SLC26A4: variants seen among roughly 807,000 people sequenced by gnomAD.
SLC26A4 encodes pendrin.
In SLC26A4, 93 loss-of-function variants were observed where a neutral mutation model predicts 90.4. The observed-to-expected ratio is 1.03, with a 90% CI of 0.87 to 1.22. The LOEUF (loss-of-function observed/expected upper bound fraction) is 1.22, where lower values mean the gene tolerates loss of function less well. Among genes scored for constraint, SLC26A4 ranks in the 50% most tolerant of loss-of-function variants. The pLI is 0.00. For missense variants in SLC26A4, 1,127 were observed against 946.2 expected, an observed-to-expected ratio of 1.19 and a Z score of -2.51; for synonymous variants, 393 against 354.6, an observed-to-expected ratio of 1.11 and a Z score of -1.22.
chr7:107,699,068 C>A (rs1249514408), intron 14 of SLC26A4, among the ~76,000 whole-genome samples: 5 of 152,154 alleles, frequency 3.3e-5, no homozygotes, highest in Non-Finnish European at 7.4e-5. Flanking sequence ...ACTGGGATTT[C>A]AGTAGCTGCT....
intron 6 of SLC26A4, among the ~76,000 whole-genome samples, chr7:107,677,359 A>G (rs1791053501): frequency 6.6e-6 from 1 of 152,112 alleles, no homozygotes; most frequent in Non-Finnish European, 1.5e-5. Flanking sequence ...AATAGTAGCT[A>G]CCTCTTAGAG....
chr7:107,703,411 G>T (rs1224731947), intron 17 of SLC26A4, among the ~76,000 whole-genome samples: 1 of 152,176 alleles, frequency 6.6e-6, no homozygotes, highest in Admixed American at 6.5e-5. Context: ...AGGTAGGTAG[G>T]GTAGAGAAGT....
intron 8 of SLC26A4, among the ~76,000 whole-genome samples, chr7:107,685,578 G>A (rs924181908): frequency 1.3e-5 from 2 of 152,140 alleles, no homozygotes; most frequent in Non-Finnish European, 1.5e-5. Flanking sequence ...CAATAACAAT[G>A]CCCCATTGGA....
At chr7:107,678,225 C>T (rs1280981374) in intron 6 of SLC26A4, among the ~76,000 whole-genome samples, 1 of 152,178 alleles carries the variant, frequency 6.6e-6, no homozygotes, top group Admixed American at 6.5e-5. Context: ...CTCATTCATT[C>T]AGTTTATCTA....
At chr7:107,715,066 T>TAAAAAAAAA (rs543905042) in intron 20 of SLC26A4, among the ~76,000 whole-genome samples, 4 of 98,674 alleles carry the variant, frequency 4.1e-5, no homozygotes, top group South Asian at 4.6e-4. Context: ...CCATCTCTAC[T>TAAAAAAAAA]AAAAAAAAAA....
rs1792117598 is a variant in SLC26A4 at position 107,709,322 on chromosome 7, G to A, written c.2090-732G>A. The stretch of plus-strand genomic sequence containing the variant: ...GGGTCTTGCTCTGTCACCCAGGCTG[G>A]AGTGCAGTGGTGCAACTGTGGCTCA... On this transcript the variant is annotated intron_variant, in intron 18 of 20. Coordinates refer to ENST00000644269, the MANE Select transcript of SLC26A4 (RefSeq NM_000441.2). 2.0e-5 allele frequency among the ~76,000 whole-genome samples: 3 copies of A among 152,188 alleles called. No individual in the cohort carries two copies. The South Asian group carries it at 6.2e-4, about 32-fold the overall frequency.
intron 2 of SLC26A4, 68 bp from the exon 3 acceptor site, chr7:107,663,228 C>T: frequency 6.5e-7 from 1 of 1,544,176 alleles, no homozygotes; most frequent in Non-Finnish European, 9.0e-7. Context: ...CAGTTCATAA[C>T]TTTGTGATTT....
At chr7:107,666,253 G>T (rs1207752019) in intron 3 of SLC26A4, among the ~76,000 whole-genome samples, 1 of 152,306 alleles carries the variant, frequency 6.6e-6, no homozygotes, top group South Asian at 2.1e-4. Context: ...ACAGGGTCTT[G>T]CTCTGTTGCG....
At chr7:107,677,756 C>T (rs752495350) in intron 6 of SLC26A4, among the ~76,000 whole-genome samples, 3 of 151,814 alleles carry the variant, frequency 2.0e-5, no homozygotes, top group East Asian at 3.9e-4. Context: ...CAGGTGTGCA[C>T]CACCACACCT....
intron 16 of SLC26A4, 124 bp downstream of exon 16, chr7:107,701,320 G>T: frequency 1.4e-6 from 1 of 708,704 alleles, no homozygotes; most frequent in Non-Finnish European, 2.6e-6. Context: ...TGACATGTAC[G>T]TATCAAAGAA....
intron 20 of SLC26A4, among the ~76,000 whole-genome samples, chr7:107,714,067 C>G (rs985558123): frequency 7.2e-6 from 1 of 139,418 alleles, no homozygotes; most frequent in Non-Finnish European, 1.5e-5. Flanking sequence ...TACAGGCGCT[C>G]GCCACCACGT....
intron 3 of SLC26A4, among the ~76,000 whole-genome samples, chr7:107,663,984 G>A (rs1256715025): frequency 6.6e-6 from 1 of 151,838 alleles, no homozygotes; most frequent in Non-Finnish European, 1.5e-5. Context: ...CACCCAGCCA[G>A]CTTCTCTATT....
rs980584281 is a variant in SLC26A4, at chr7:107,683,618, A to C, written c.1001+81A>C. On this transcript the variant is annotated intron_variant, in intron 8 of 20. Transcript: ENST00000644269. ...TTATTTAAATAAAACCTTTTATTAC[A>C]AGCTTCATTTCACTGATACTCCTTC... is the stretch of plus-strand genomic sequence containing the variant. 22 of 1,108,398 alleles carry C rather than the reference A, an allele frequency of 2.0e-5. No individual in the cohort carries two copies. The East Asian group carries it at 5.5e-4, about 28-fold the overall frequency. The allele number at this position is 1,108,398 out of a possible 1,614,324, so 68.7% of individuals were successfully genotyped here.
chr7:107,703,863 C>T (rs998992253), intron 17 of SLC26A4, among the ~76,000 whole-genome samples: 2 of 152,190 alleles, frequency 1.3e-5, no homozygotes, highest in Admixed American at 1.3e-4. Context: ...ATATTTAGAT[C>T]CTATATACCC....
rs1426951345 is a variant in SLC26A4, at chr7:107,675,001, G to A, written c.657G>A (p.Leu219=). ...GFIVRYLADP[L]VGGFTTAAAF... Reference sequence around the variant, plus strand: ...TAGTGAGGTACTTGGCAGATCCTTTGGTTGGTGGCTTCACAACAGCTGCTG... The same window carrying A: ...TAGTGAGGTACTTGGCAGATCCTTTAGTTGGTGGCTTCACAACAGCTGCTG... Residue 219 remains leucine (L), a synonymous_variant, in exon 6 of 21, where the codon TTG becomes TTA. Transcript: ENST00000644269. The A allele has an allele frequency of 2.5e-6, 4 of 1,614,026 alleles. No individual in the cohort carries two copies. In the African/African-American group the frequency reaches 5.3e-5, roughly 22 times the overall value.
intron 12 of SLC26A4, 70 bp downstream of exon 12, chr7:107,694,786 A>T: frequency 2.0e-6 from 2 of 1,017,492 alleles, no homozygotes; most frequent in South Asian, 2.6e-5. Context: ...CCATATCACT[A>T]TATTCCCCCC....
chr7:107,710,053 G>A lies in SLC26A4; in HGVS notation c.2090-1G>A, dbSNP rs1455597424. ...CAAAACATTGTGTCTTTCTTTTGAA[G>A]ATTATGTGATAGAAAAGCTGGAGCA... On this transcript the variant is annotated splice_acceptor_variant, in intron 18 of 20. Transcript: ENST00000644269. LOFTEE classifies it high-confidence loss of function. 1.2e-6 allele frequency: 2 copies of A among 1,612,838 alleles called. No homozygotes were observed. The highest frequency in any genetic ancestry group is 3.3e-5 in the Admixed American group (2 of 59,984).
intron 10 of SLC26A4, among the ~76,000 whole-genome samples, chr7:107,692,353 T>C (rs2129316457): frequency 6.6e-6 from 1 of 152,352 alleles, no homozygotes; most frequent in South Asian, 2.1e-4. Flanking sequence ...CTTGTGTGGC[T>C]TCTCGTGTTT....
intron 1 of SLC26A4, 46 bp downstream of exon 1, chr7:107,660,901 C>T (rs1469364126): frequency 6.6e-6 from 1 of 152,288 alleles, no homozygotes; most frequent in Non-Finnish European, 1.5e-5. Context: ...CCGGGCTCCA[C>T]TCCCGGGGAG....
Sources: allele counts gnomAD v4.1 joint callset (sites outside exome capture counted in the v4.1 genomes callset), GRCh38; gene constraint gnomAD v4.1.1; transcripts MANE v1.5; gene names NCBI Gene and HGNC (gene_info 2026-07-23, HGNC 2026-07-21).